The following FAAH2 variants were observed in gnomAD, a reference collection of about 807,000 sequenced individuals.
FAAH2 encodes the protein fatty acid amide hydrolase 2, also known as fatty-acid amide hydrolase 2.
Under a neutral mutation model 36.9 loss-of-function variants are expected in FAAH2, and 60 were observed. The ratio of observed to expected loss-of-function variants is 1.63; its 90% confidence interval spans 1.32 to 2.02. The LOEUF (loss-of-function observed/expected upper bound fraction) is 2.02. Among genes scored for constraint, FAAH2 ranks in the 30% most tolerant of loss-of-function variants. FAAH2 has a pLI of 0.00. For missense variants in FAAH2, 689 were observed against 397.5 expected, an observed-to-expected ratio of 1.73 and a Z score of -6.23; for synonymous variants, 214 against 143.8, an observed-to-expected ratio of 1.49 and a Z score of -3.49.
At chrX:57,370,892 A>T (rs1386486437) in intron 5 of FAAH2, among the ~76,000 whole-genome samples, 2 of 111,211 alleles carry the variant, frequency 1.8e-5, no homozygotes, top group East Asian at 5.7e-4. Flanking sequence ...TGCATGTAAA[A>T]ATTGTCTCCC....
At chrX:57,247,714 T>C in the FAAH2 span, among the ~76,000 whole-genome samples, 1 of 112,220 alleles carries the variant, frequency 8.9e-6, no homozygotes, top group South Asian at 3.7e-4. Context: ...CAAGTGACTT[T>C]AACTAAGTAA....
chrX:57,234,492 A>G, the FAAH2 span, among the ~76,000 whole-genome samples: 6 of 111,947 alleles, frequency 5.4e-5, no homozygotes, highest in South Asian at 3.7e-4. Context: ...ATTGTAATAT[A>G]TAATGAAATA....
chrX:57,308,786 T>C (rs1442428327), intron 2 of FAAH2, among the ~76,000 whole-genome samples: 2 of 111,513 alleles, frequency 1.8e-5, no homozygotes, highest in Non-Finnish European at 3.8e-5. Context: ...CTTCCAACAG[T>C]TCTTTATATC....
At chrX:57,203,570 T>A in the FAAH2 span, among the ~76,000 whole-genome samples, 6 of 112,334 alleles carry the variant, frequency 5.3e-5, no homozygotes, top group East Asian at 1.1e-3. Flanking sequence ...AAAGTGGCTT[T>A]ATCACAGTGA....
intron 7 of FAAH2, among the ~76,000 whole-genome samples, chrX:57,411,222 G>A (rs1251929182): frequency 8.9e-6 from 1 of 111,939 alleles, no homozygotes; most frequent in Non-Finnish European, 1.9e-5. Context: ...ATGCTGCAAA[G>A]CGAGACCTGG....
intron 8 of FAAH2, among the ~76,000 whole-genome samples, chrX:57,442,237 G>T (rs140264957): frequency 0.012 from 1,374 of 110,652 alleles, 55 homozygotes; most frequent in Admixed American, 0.11. Context: ...TTATTGTGTG[G>T]GAGTCTAAGT....
At chrX:57,204,981 G>T in the FAAH2 span, among the ~76,000 whole-genome samples, 1 of 112,234 alleles carries the variant, frequency 8.9e-6, no homozygotes, top group African/African-American at 3.2e-5. Flanking sequence ...AAGCTGGAAC[G>T]CCATCACCAC....
intron 5 of FAAH2, among the ~76,000 whole-genome samples, chrX:57,377,659 A>G (rs771676456): frequency 8.9e-6 from 1 of 112,363 alleles, no homozygotes; most frequent in South Asian, 3.7e-4. Context: ...AATTTAAAGT[A>G]GTTTTTTCTA....
chrX:57,419,895 A>G (rs2055962146), intron 7 of FAAH2, among the ~76,000 whole-genome samples: 1 of 111,746 alleles, frequency 8.9e-6, no homozygotes, highest in East Asian at 2.8e-4. Context: ...TGATTTTTGT[A>G]TAAGGTGTAA....
chrX:57,239,993 C>T, the FAAH2 span, among the ~76,000 whole-genome samples: 1 of 111,913 alleles, frequency 8.9e-6, no homozygotes, highest in African/African-American at 3.2e-5. Context: ...TTTCTGTGAT[C>T]TTTGTTTCCA....
At chrX:57,442,362 A>G (rs753299735) in intron 8 of FAAH2, among the ~76,000 whole-genome samples, 53 of 111,809 alleles carry the variant, frequency 4.7e-4, no homozygotes, top group African/African-American at 1.6e-3. Flanking sequence ...ACCATTATGG[A>G]GTGGCCTTCT....
chrX:57,447,242 G>A (rs1277362637), intron 9 of FAAH2, among the ~76,000 whole-genome samples: 1 of 111,552 alleles, frequency 9.0e-6, no homozygotes, highest in Non-Finnish European at 1.9e-5. Context: ...TCATGGTCTT[G>A]GGCAGCTCCA....
the FAAH2 span, among the ~76,000 whole-genome samples, chrX:57,130,100 A>G: frequency 8.9e-6 from 1 of 111,944 alleles, no homozygotes; most frequent in Non-Finnish European, 1.9e-5. Context: ...ATATCATTCC[A>G]CCTCTCACAC....
the FAAH2 span, among the ~76,000 whole-genome samples, chrX:57,278,086 T>C: frequency 8.9e-6 from 1 of 111,756 alleles, no homozygotes; most frequent in Admixed American, 9.5e-5. Context: ...TAGTTTCCTA[T>C]GGAACCAAAA....
intron 7 of FAAH2, 42 bp downstream of exon 7, chrX:57,381,071 A>C (rs755097449): frequency 2.0e-6 from 2 of 980,737 alleles, no homozygotes; most frequent in Non-Finnish European, 2.9e-6. Flanking sequence ...TTTTTAGTCA[A>C]AGAGATATCC....
rs1427158965 is a variant in FAAH2, at chrX:57,385,207, C to T, written c.996+4178C>T. Reference sequence around the variant, plus strand: ...TGATGAGTTAATGGGTGCAGCACACCAACATGGCACATGTATACATATGTA... The same window carrying T: ...TGATGAGTTAATGGGTGCAGCACACTAACATGGCACATGTATACATATGTA... On this transcript the variant is annotated intron_variant, in intron 7 of 10. Coordinates refer to ENST00000374900, the MANE Select transcript of FAAH2 (RefSeq NM_174912.4). Among the ~76,000 whole-genome samples the T allele has an allele frequency of 2.8e-5, 3 of 106,377 alleles. No individual in the cohort carries two copies. In the East Asian group the frequency reaches 8.9e-4, roughly 32 times the overall value. 92.4% of individuals were successfully genotyped at this position (106,377 alleles called of 115,157 possible). A position where few individuals can be genotyped will look rare whatever the true frequency, so the allele number is the denominator to read the frequency against.
At chrX:57,332,071 A>G (rs2053422910) in intron 4 of FAAH2, among the ~76,000 whole-genome samples, 1 of 112,096 alleles carries the variant, frequency 8.9e-6, no homozygotes, top group Non-Finnish European at 1.9e-5. Flanking sequence ...GAAACATCGT[A>G]AAGTGTTTAG....
At chrX:57,423,224 G>T (rs1413740177) in intron 7 of FAAH2, among the ~76,000 whole-genome samples, 1 of 112,061 alleles carries the variant, frequency 8.9e-6, no homozygotes, top group Non-Finnish European at 1.9e-5. Context: ...CTACTATCCA[G>T]AATGGGTGAA....
the FAAH2 span, among the ~76,000 whole-genome samples, chrX:57,277,112 G>A: frequency 3.7e-5 from 4 of 107,018 alleles, no homozygotes; most frequent in African/African-American, 7.6e-5. Flanking sequence ...ACCTGGCAGA[G>A]ACACAACAAA....
Sources: gnomAD v4.1 joint callset for allele counts (sites outside exome capture counted in the v4.1 genomes callset) on GRCh38, gnomAD v4.1.1 for gene constraint, MANE v1.5 for transcripts, NCBI Gene and HGNC (gene_info 2026-07-23, HGNC 2026-07-21) for gene names.